Variants in TAF1 observed in about 807,000 individuals in gnomAD.
TAF1 encodes the protein TATA-box binding protein associated factor 1.
In TAF1, 2 loss-of-function variants were observed where a neutral mutation model predicts 138.5. The ratio of observed to expected loss-of-function variants is 0.01; its 90% CI spans 0.01 to 0.05. The LOEUF is 0.05. Ranked by LOEUF, TAF1 falls within the 10% of genes least tolerant of loss-of-function variation. The probability of loss-of-function intolerance (pLI) is 1.00; values close to 1 mark genes in which losing one functional copy is unlikely to be tolerated. For synonymous variants in TAF1, 437 were observed against 503.2 expected, an observed-to-expected ratio of 0.87 and a Z score of 1.76; for missense variants, 709 against 1,478.0, an observed-to-expected ratio of 0.48 and a Z score of 8.53.
At chrX:71,442,508 GGTT>G (rs1338997862) in intron 32 of TAF1, among the ~76,000 whole-genome samples, 1 of 111,762 alleles carries the variant, frequency 8.9e-6, no homozygotes, top group Non-Finnish European at 1.9e-5. Flanking sequence ...TTTTTGATGG[GGTT>G]GTTTGATTTT....
At chrX:71,370,174 G>A (rs959025266) in intron 3 of TAF1, among the ~76,000 whole-genome samples, 7 of 112,012 alleles carry the variant, frequency 6.2e-5, no homozygotes, top group African/African-American at 2.3e-4. Context: ...GCAGTGAGCC[G>A]AAATGATGCT....
At chrX:71,458,670 C>T (rs1326496520) in intron 35 of TAF1, among the ~76,000 whole-genome samples, 3 of 111,879 alleles carry the variant, frequency 2.7e-5, no homozygotes, top group African/African-American at 9.7e-5. Flanking sequence ...ACCAACTGCA[C>T]TCAGACAGTT....
At chrX:71,474,206 G>A (rs979441319) in intron 13 of TAF1, among the ~76,000 whole-genome samples, 1 of 111,534 alleles carries the variant, frequency 9.0e-6, no homozygotes, top group Non-Finnish European at 1.9e-5. Flanking sequence ...AGGATTTATG[G>A]GCCATGGTAA....
At chrX:71,428,862 C>T (rs1300227002) in intron 32 of TAF1, among the ~76,000 whole-genome samples, 1 of 111,820 alleles carries the variant, frequency 8.9e-6, no homozygotes, top group Non-Finnish European at 1.9e-5. Context: ...GATGTATATA[C>T]GTACAAAAAA....
At chrX:71,525,508 T>A (rs908863698) in intron 13 of TAF1, among the ~76,000 whole-genome samples, 3 of 112,449 alleles carry the variant, frequency 2.7e-5, no homozygotes, top group African/African-American at 9.7e-5. Flanking sequence ...ATTACAGCAT[T>A]GTGCAATGAA....
Position 71,464,518 on chromosome X carries a change from A to G in TAF1, c.*472A>G, listed in dbSNP as rs1372763668. ...TCAGAAGTTCGAGACCAGCTTGGCC[A>G]ACATGGCGAAACCGCATCTCTACTA... On this transcript the variant is annotated 3_prime_UTR_variant, in exon 38 of 38. Transcript: ENST00000423759. 2 of 278,712 alleles carry G rather than the reference A, an allele frequency of 7.2e-6. No homozygotes were observed. Among genetic ancestry groups the G allele is most frequent in the Non-Finnish European group, 1.3e-5 (2 of 159,709 alleles). 23.0% of individuals were successfully genotyped at this position (278,712 alleles called of 1,213,427 possible).
At chrX:71,471,374 T>C (rs372688932) in intron 13 of TAF1, among the ~76,000 whole-genome samples, 29 of 101,411 alleles carry the variant, frequency 2.9e-4, no homozygotes, top group African/African-American at 6.6e-4. Flanking sequence ...CACACACACA[T>C]GAATGGAACC....
At chrX:71,444,108 A>G (rs1291528034) in intron 32 of TAF1, among the ~76,000 whole-genome samples, 1 of 110,367 alleles carries the variant, frequency 9.1e-6, no homozygotes, top group African/African-American at 3.3e-5. Context: ...CCCGGGTTTG[A>G]GTGATTTTCC....
intron 13 of TAF1, among the ~76,000 whole-genome samples, chrX:71,513,555 G>A (rs1257215612): frequency 9.0e-6 from 1 of 110,847 alleles, no homozygotes. Flanking sequence ...GGGTGCTGGT[G>A]ACAGAGTAGT....
chrX:71,459,496 C>T, intron 35 of TAF1, 56 bp from the exon 36 acceptor site: 1 of 1,184,594 alleles, frequency 8.4e-7, no homozygotes, highest in Non-Finnish European at 1.1e-6. Flanking sequence ...GTGGTGGCTT[C>T]TGGTCTCTTA....
At chrX:71,381,659 A>T in intron 8 of TAF1, 84 bp from the exon 9 acceptor site, 7 of 1,059,249 alleles carry the variant, frequency 6.6e-6, no homozygotes, top group Non-Finnish European at 7.7e-6. Context: ...AACATGAGTA[A>T]CTCTTTTTAT....
At chrX:71,383,254 A>G (rs2034005964) in intron 12 of TAF1, 90 bp downstream of exon 12, 1 of 990,576 alleles carries the variant, frequency 1.0e-6, no homozygotes. Context: ...GTATTAGGGA[A>G]TTGGTTATTT....
intron 18 of TAF1, among the ~76,000 whole-genome samples, chrX:71,390,236 G>T (rs1481115090): frequency 9.0e-6 from 1 of 111,481 alleles, no homozygotes; most frequent in East Asian, 2.8e-4. Context: ...CACATGATTT[G>T]GGCCTTGCAT....
At chrX:71,399,715 G>C (rs1187864887) in intron 24 of TAF1, among the ~76,000 whole-genome samples, 2 of 109,035 alleles carry the variant, frequency 1.8e-5, no homozygotes, top group Admixed American at 2.0e-4. Context: ...GTGCTACCAG[G>C]CATGTGCTAC....
intron 13 of TAF1, among the ~76,000 whole-genome samples, chrX:71,471,687 A>G (rs1319948900): frequency 1.8e-5 from 2 of 111,009 alleles, no homozygotes; most frequent in Non-Finnish European, 3.8e-5. Flanking sequence ...GCAGAGATTT[A>G]TTGAAAACGA....
chrX:71,395,776 C>T (rs1054586268), intron 22 of TAF1, among the ~76,000 whole-genome samples: 2 of 111,240 alleles, frequency 1.8e-5, no homozygotes, highest in Non-Finnish European at 3.8e-5. Context: ...TCTATGTTTT[C>T]TAGTATAGTC....
chrX:71,398,537 G>A (rs1454973456), intron 23 of TAF1, 35 bp from the exon 24 acceptor site: 28 of 1,202,191 alleles, frequency 2.3e-5, no homozygotes, highest in Non-Finnish European at 3.1e-5. Flanking sequence ...TTATGGTCCT[G>A]TGATTTTTCT....
At chrX:71,480,809 G>C (rs915278032) in intron 13 of TAF1, among the ~76,000 whole-genome samples, 4 of 112,059 alleles carry the variant, frequency 3.6e-5, no homozygotes, top group African/African-American at 1.3e-4. Context: ...CATCTGAACA[G>C]AGAAATTAAT....
chrX:71,396,952 G>A (rs1344197722), intron 22 of TAF1, among the ~76,000 whole-genome samples: 1 of 105,185 alleles, frequency 9.5e-6, no homozygotes, highest in African/African-American at 3.5e-5. Context: ...TTGAGCCTGG[G>A]AGGTGGAGGT....
Sources: gnomAD v4.1 joint callset for allele counts (sites outside exome capture counted in the v4.1 genomes callset) on GRCh38, gnomAD v4.1.1 for gene constraint, MANE v1.5 for transcripts, NCBI Gene and HGNC (gene_info 2026-07-23, HGNC 2026-07-21) for gene names.